Variants in FOXP1 observed in about 807,000 individuals in gnomAD.
The protein encoded by FOXP1 is forkhead box P1, also known as forkhead box protein P1.
In FOXP1, 15 loss-of-function variants were observed where a neutral mutation model predicts 98.2. The observed-to-expected ratio is 0.15, with a 90% CI of 0.10 to 0.24. The LOEUF is 0.24. Ranked by LOEUF, FOXP1 falls within the 10% of genes least tolerant of loss-of-function variation. The pLI is 1.00. For missense variants in FOXP1, 633 were observed against 848.5 expected, an observed-to-expected ratio of 0.75 and a Z score of 3.15; for synonymous variants, 371 against 314.5, an observed-to-expected ratio of 1.18 and a Z score of -1.90.
intron 2 of FOXP1, among the ~76,000 whole-genome samples, chr3:71,521,644 C>T (rs2043000192): frequency 6.6e-6 from 1 of 152,178 alleles, no homozygotes; most frequent in Non-Finnish European, 1.5e-5. Context: ...ATTTGTTTCG[C>T]TTGGGCCAGA....
chr3:71,311,293 T>C (rs1194713280), intron 4 of FOXP1, among the ~76,000 whole-genome samples: 2 of 152,198 alleles, frequency 1.3e-5, no homozygotes, highest in Non-Finnish European at 2.9e-5. Flanking sequence ...TCTCACTATG[T>C]TGCCCAGGCT....
intron 11 of FOXP1, among the ~76,000 whole-genome samples, chr3:71,027,706 T>A (rs1344154219): frequency 6.6e-6 from 1 of 152,216 alleles, no homozygotes; most frequent in Non-Finnish European, 1.5e-5. Context: ...GATTTCTGTA[T>A]ACACATATTA....
chr3:71,493,597 C>T (rs2107055172), intron 2 of FOXP1, 42 bp from the exon 3 acceptor site: 1 of 152,298 alleles, frequency 6.6e-6, no homozygotes, highest in South Asian at 2.1e-4. Flanking sequence ...TAAGATGTAA[C>T]TTCTAAAACC....
At chr3:71,214,019 T>C (rs2064716588) in intron 5 of FOXP1, among the ~76,000 whole-genome samples, 1 of 152,166 alleles carries the variant, frequency 6.6e-6, no homozygotes, top group Non-Finnish European at 1.5e-5. Flanking sequence ...AATGCAGATA[T>C]TGTCCCTACA....
chr3:71,304,998 C>G (rs2107589751), intron 4 of FOXP1, among the ~76,000 whole-genome samples: 1 of 152,240 alleles, frequency 6.6e-6, no homozygotes, highest in East Asian at 1.9e-4. Flanking sequence ...ATGGTTCACC[C>G]TTGTTAATTG....
chr3:71,137,233 T>G (rs191022051), intron 6 of FOXP1, among the ~76,000 whole-genome samples: 2 of 152,290 alleles, frequency 1.3e-5, no homozygotes, highest in Admixed American at 1.3e-4. Flanking sequence ...TCAAAATAAC[T>G]GCTCTATTTT....
At chr3:71,104,701 C>A (rs992303094) in intron 7 of FOXP1, among the ~76,000 whole-genome samples, 2 of 152,014 alleles carry the variant, frequency 1.3e-5, no homozygotes, top group Non-Finnish European at 1.5e-5. Flanking sequence ...CTCAGGAAAC[C>A]CATCCACAAC....
At chr3:71,193,576 G>A (rs2063128336) in intron 6 of FOXP1, among the ~76,000 whole-genome samples, 2 of 152,016 alleles carry the variant, frequency 1.3e-5, no homozygotes, top group South Asian at 4.1e-4. Flanking sequence ...AGCCTCCTGA[G>A]TAGCTGGGAC....
chr3:71,571,000 C>T (rs556524442), intron 2 of FOXP1: 41 of 152,312 alleles, frequency 2.7e-4, no homozygotes, highest in African/African-American at 9.6e-4. Context: ...ATTTCCTTCT[C>T]TCGTAGACTT....
chr3:71,389,645 C>A (rs2080885746), intron 3 of FOXP1, among the ~76,000 whole-genome samples: 1 of 152,058 alleles, frequency 6.6e-6, no homozygotes, highest in Non-Finnish European at 1.5e-5. Context: ...CAATTAAAAA[C>A]CATTAAAGAT....
intron 7 of FOXP1, among the ~76,000 whole-genome samples, chr3:71,063,449 C>T (rs2051827212): frequency 6.6e-6 from 1 of 152,210 alleles, no homozygotes; most frequent in Admixed American, 6.5e-5. Flanking sequence ...TGCTAGCTTG[C>T]GCTCTTTACC....
At chr3:71,423,504 G>C (rs1167663483) in intron 3 of FOXP1, among the ~76,000 whole-genome samples, 2 of 152,198 alleles carry the variant, frequency 1.3e-5, no homozygotes, top group African/African-American at 4.8e-5. Flanking sequence ...AACTTTATAG[G>C]ATATCCGGGA....
At chr3:71,110,655 T>C (rs2057841929) in intron 7 of FOXP1, among the ~76,000 whole-genome samples, 1 of 152,242 alleles carries the variant, frequency 6.6e-6, no homozygotes, top group Non-Finnish European at 1.5e-5. Context: ...TGTTATGGAA[T>C]CTGCAATGTG....
intron 19 of FOXP1, among the ~76,000 whole-genome samples, chr3:70,968,102 T>C (rs893871043): frequency 3.3e-5 from 5 of 152,166 alleles, no homozygotes; most frequent in Admixed American, 1.3e-4. Flanking sequence ...TCATAGAACA[T>C]GGGCTGAGAC....
At chr3:71,214,978 T>C (rs1209269218) in intron 5 of FOXP1, among the ~76,000 whole-genome samples, 1 of 152,210 alleles carries the variant, frequency 6.6e-6, no homozygotes, top group East Asian at 1.9e-4. Context: ...AAAGCATGGT[T>C]CTGTGGACAG....
At chr3:71,518,478 C>A (rs1020261639) in intron 2 of FOXP1, among the ~76,000 whole-genome samples, 2 of 152,140 alleles carry the variant, frequency 1.3e-5, no homozygotes, top group African/African-American at 4.8e-5. Flanking sequence ...TCATAAATAA[C>A]TTTTGGGCCC....
intron 5 of FOXP1, among the ~76,000 whole-genome samples, chr3:71,263,439 C>A (rs770177544): frequency 6.6e-6 from 1 of 152,144 alleles, no homozygotes; most frequent in Non-Finnish European, 1.5e-5. Flanking sequence ...CAGGCTGGGG[C>A]CTGAATTAAA....
At chr3:71,476,877 T>C (rs1459820788) in intron 3 of FOXP1, among the ~76,000 whole-genome samples, 1 of 152,174 alleles carries the variant, frequency 6.6e-6, no homozygotes, top group Non-Finnish European at 1.5e-5. Context: ...TGCAGCTTAA[T>C]AATAACTGAT....
At chr3:71,563,296 A>C (rs913697621) in intron 2 of FOXP1, among the ~76,000 whole-genome samples, 1 of 152,104 alleles carries the variant, frequency 6.6e-6, no homozygotes, top group Non-Finnish European at 1.5e-5. Flanking sequence ...TGTACATATG[A>C]CCCACTTCTG....
Sources: allele counts gnomAD v4.1 joint callset (sites outside exome capture counted in the v4.1 genomes callset), GRCh38; gene constraint gnomAD v4.1.1; transcripts MANE v1.5; gene names NCBI Gene and HGNC (gene_info 2026-07-23, HGNC 2026-07-21).